TBC1D14: variants seen among roughly 807,000 people sequenced by gnomAD.
TBC1D14 encodes the protein TBC1 domain family, member 14.
In TBC1D14, 26 loss-of-function variants were observed where a neutral mutation model predicts 79.0. That is an observed-to-expected ratio of 0.33 (90% CI 0.24 to 0.46). The LOEUF is 0.46. Ranked by LOEUF, TBC1D14 falls within the 20% of genes least tolerant of loss-of-function variation. TBC1D14 has a pLI of 1.00. For synonymous variants in TBC1D14, 394 were observed against 349.9 expected, an observed-to-expected ratio of 1.13 and a Z score of -1.40; for missense variants, 769 against 887.6, an observed-to-expected ratio of 0.87 and a Z score of 1.70.
At chr4:6,923,254 T>G in intron 1 of TBC1D14, 119 bp from the exon 2 acceptor site, 1 of 1,198,812 alleles carries the variant, frequency 8.3e-7, no homozygotes. Context: ...CTTGGGTATG[T>G]GGAACCTTTT....
At chr4:6,945,620 G>A (rs111657690) in intron 2 of TBC1D14, among the ~76,000 whole-genome samples, 2,417 of 152,044 alleles carry the variant, frequency 0.016, 67 homozygotes, top group African/African-American at 0.055. Flanking sequence ...TGGTGGCAAC[G>A]CGCCTGTAAT....
At chr4:7,013,139 A>AT (rs1410860838) in intron 11 of TBC1D14, among the ~76,000 whole-genome samples, 1 of 152,206 alleles carries the variant, frequency 6.6e-6, no homozygotes, top group Non-Finnish European at 1.5e-5. Context: ...TGGGGTCTTC[A>AT]TGACAGCAGC....
chr4:7,010,633 G>A lies in TBC1D14; in HGVS notation c.1519-20G>A. 1 of 1,607,180 alleles carries A rather than the reference G, an allele frequency of 6.2e-7. No individual in the cohort carries two copies. Among genetic ancestry groups the A allele is most frequent in the Non-Finnish European group, 8.5e-7 (1 of 1,177,332 alleles). Reference sequence around the variant, plus strand: ...CCTGTGGCCACTGTGATTTTAACGTGCCTTTCTCTCCTCTCTCAGGTCCAG... The same window carrying A: ...CCTGTGGCCACTGTGATTTTAACGTACCTTTCTCTCCTCTCTCAGGTCCAG... On this transcript the variant is annotated intron_variant, in intron 10 of 13. Coordinates refer to ENST00000409757, the MANE Select transcript of TBC1D14 (RefSeq NM_020773.3).
chr4:6,981,832 A>G (rs1275012123), intron 3 of TBC1D14, among the ~76,000 whole-genome samples: 1 of 152,236 alleles, frequency 6.6e-6, no homozygotes, highest in Non-Finnish European at 1.5e-5. Context: ...ATTCCTCACA[A>G]AAACTCTCAG....
At position 6,978,738 on chromosome 4, in the gene TBC1D14, TAA is replaced by T. The variant is rs59534721; in HGVS notation, c.843+11331_843+11332del. 5.4e-3 allele frequency among the ~76,000 whole-genome samples: 588 copies of T among 108,430 alleles called. 5 individuals carry two copies. Among genetic ancestry groups the T allele is most frequent in the African/African-American group, 0.018 (530 of 29,438 alleles). 71.1% of individuals were successfully genotyped at this position (108,430 alleles called of 152,430 possible). On this transcript the variant is annotated intron_variant, in intron 3 of 13. Coordinates refer to ENST00000409757, the MANE Select transcript of TBC1D14 (RefSeq NM_020773.3). ...CGAGAAACACCCAAGAATGATCAAT[TAA>T]AAAAAAAAAAAAAAAAGAAAAGAAA...
At chr4:7,011,681 C>G (rs1163447474) in intron 11 of TBC1D14, among the ~76,000 whole-genome samples, 1 of 151,910 alleles carries the variant, frequency 6.6e-6, no homozygotes, top group Non-Finnish European at 1.5e-5. Context: ...CTCAGCCTCC[C>G]TAGTAGCTGG....
chr4:6,951,442 G>A (rs1714033020), intron 2 of TBC1D14, among the ~76,000 whole-genome samples: 1 of 152,296 alleles, frequency 6.6e-6, no homozygotes, highest in African/African-American at 2.4e-5. Context: ...GATGGGGGAG[G>A]ATTGCTTGAG....
Position 6,923,532 on chromosome 4 carries a change from C to T in TBC1D14, c.143C>T (p.Pro48Leu), listed in dbSNP as rs1479567640. 3 of 1,614,166 alleles carry T rather than the reference C, an allele frequency of 1.9e-6. No homozygotes were observed. Among genetic ancestry groups the T allele is most frequent in the Non-Finnish European group, 2.5e-6 (3 of 1,180,032 alleles). ...PRLLSAPEYG[P>L]KLKLRALEDR... ...CTCCTCTCCGCGCCTGAGTACGGGCCCAAGCTGAAACTCAGGGCTTTAGAA... is the reference window on the plus strand; with the variant it reads ...CTCCTCTCCGCGCCTGAGTACGGGCTCAAGCTGAAACTCAGGGCTTTAGAA... Residue 48 changes from proline (P) to leucine (L), a missense_variant, in exon 2 of 14, where the codon CCC becomes CTC. This residue lies in a region of TBC1D14 where 402 missense variants were observed against 393.2 expected (regional missense o/e 1.02). Transcript: ENST00000409757.
chr4:6,997,571 A>G (rs1719189219), intron 5 of TBC1D14, among the ~76,000 whole-genome samples: 1 of 152,214 alleles, frequency 6.6e-6, no homozygotes, highest in African/African-American at 2.4e-5. Context: ...GGTTGCAGTG[A>G]GCCGAGATCG....
chr4:7,003,200 C>T (rs1257797362), intron 7 of TBC1D14, among the ~76,000 whole-genome samples: 1 of 152,180 alleles, frequency 6.6e-6, no homozygotes. Context: ...CAGATGCACA[C>T]CAATAAAGAA....
intron 3 of TBC1D14, among the ~76,000 whole-genome samples, chr4:6,968,523 G>A (rs563309954): frequency 6.6e-6 from 1 of 152,338 alleles, no homozygotes; most frequent in Non-Finnish European, 1.5e-5. Flanking sequence ...GTGACTTGAT[G>A]TGCAGGGTCA....
rs570171356 is a variant in TBC1D14 at position 6,914,554 on chromosome 4, C to T, written c.-18+4603C>T. Among the ~76,000 whole-genome samples the T allele has an allele frequency of 1.0e-3, 156 of 152,314 alleles. 1 individual carries two copies. Among genetic ancestry groups the T allele is most frequent in the Non-Finnish European group, 2.0e-3 (134 of 68,036 alleles). On this transcript the variant is annotated intron_variant, in intron 1 of 13. Coordinates refer to ENST00000409757, the MANE Select transcript of TBC1D14 (RefSeq NM_020773.3). Reference sequence around the variant, plus strand: ...CTAGCCCGGCACAGCTCTGTTACTACGCACCACCCTTTAGACCGCAGTCTT... The same window carrying T: ...CTAGCCCGGCACAGCTCTGTTACTATGCACCACCCTTTAGACCGCAGTCTT...
chr4:6,987,125 T>G, intron 3 of TBC1D14: 2 of 939,012 alleles, frequency 2.1e-6, no homozygotes, highest in Non-Finnish European at 2.5e-6. Context: ...CCCCGCCCCC[T>G]TGGGAGTCTC....
intron 2 of TBC1D14, among the ~76,000 whole-genome samples, chr4:6,934,103 G>C (rs1170755070): frequency 2.0e-5 from 3 of 152,122 alleles, no homozygotes; most frequent in African/African-American, 7.2e-5. Flanking sequence ...GATCCTGGCA[G>C]GAGTGGGGCT....
rs1721294748 is a variant in TBC1D14 at position 7,016,512 on chromosome 4, T to C, written c.1757+1955T>C. ...ACCTGAGCCTTTAGCTTCTCCCTTATCTGTTTTAGGGCTTCTGATTAGTTT... is the reference window on the plus strand; with the variant it reads ...ACCTGAGCCTTTAGCTTCTCCCTTACCTGTTTTAGGGCTTCTGATTAGTTT... On this transcript the variant is annotated intron_variant, in intron 12 of 13. Coordinates refer to ENST00000409757, the MANE Select transcript of TBC1D14 (RefSeq NM_020773.3). 2.6e-5 allele frequency among the ~76,000 whole-genome samples: 4 copies of C among 152,338 alleles called. No individual in the cohort carries two copies. In the South Asian group the frequency reaches 8.3e-4, roughly 32 times the overall value.
intron 5 of TBC1D14, among the ~76,000 whole-genome samples, chr4:6,998,284 C>T (rs549311144): frequency 2.6e-5 from 4 of 151,516 alleles, no homozygotes; most frequent in South Asian, 2.1e-4. Flanking sequence ...TGCTTGAACC[C>T]GGGAGGCGGA....
intron 13 of TBC1D14, among the ~76,000 whole-genome samples, chr4:7,029,124 G>A (rs1466970902): frequency 6.6e-6 from 1 of 152,200 alleles, no homozygotes; most frequent in Non-Finnish European, 1.5e-5. Context: ...GCAGGCATGA[G>A]CCACCACGCC....
intron 2 of TBC1D14, among the ~76,000 whole-genome samples, chr4:6,937,160 G>A (rs1402324129): frequency 6.6e-6 from 1 of 152,138 alleles, no homozygotes; most frequent in African/African-American, 2.4e-5. Flanking sequence ...CAGGTGATCT[G>A]CCCGCCACAA....
At chr4:6,987,033 C>G in intron 3 of TBC1D14, 7 of 352,526 alleles carry the variant, frequency 2.0e-5, no homozygotes, top group East Asian at 7.8e-5. Flanking sequence ...CGGCGCGCGT[C>G]CCCGGTGTTT....
Sources: gnomAD v4.1 joint callset for allele counts (sites outside exome capture counted in the v4.1 genomes callset) on GRCh38, gnomAD v4.1.1 for gene constraint, gnomAD v4.1.1 regional missense constraint, MANE v1.5 for transcripts, NCBI Gene and HGNC (gene_info 2026-07-23, HGNC 2026-07-21) for gene names.